The following FAM53C variants were observed in gnomAD, a reference collection of about 807,000 sequenced individuals.
FAM53C encodes the protein family with sequence similarity 53 member C.
FAM53C carries 10 observed loss-of-function variants against 34.7 expected under a neutral mutation model. The ratio of observed to expected loss-of-function variants is 0.29; its 90% confidence interval spans 0.18 to 0.49. FAM53C has a LOEUF of 0.49. Among genes scored for constraint, FAM53C ranks in the 20% least tolerant of loss-of-function variants. The probability of loss-of-function intolerance (pLI) is 0.99; values close to 1 mark genes in which losing one functional copy is unlikely to be tolerated. For missense variants in FAM53C, 442 were observed against 515.3 expected, an observed-to-expected ratio of 0.86 and a Z score of 1.38; for synonymous variants, 203 against 203.6, an observed-to-expected ratio of 1.00 and a Z score of 0.03.
In FAM53C at chr5:138,345,099, C is replaced by A. The variant is rs746720467; in HGVS notation, c.411C>A (p.Ala137=). ...LSRWQPVWRP[A]PSKLWTPIKH... ...GCTGGCAGCCGGTGTGGCGGCCCGC[C>A]CCCTCCAAGCTGTGGACTCCCATAA... Residue 137 remains alanine, a synonymous_variant, in exon 4 of 5, where the codon GCC becomes GCA. Transcript: ENST00000239906. This position sits in a 1 kb window ranked among gnomAD's most constrained non-coding sequence, Gnocchi z 6.3. 1.2e-6 allele frequency: 2 copies of A among 1,613,962 alleles called. No individual in the cohort carries two copies. The highest frequency in any genetic ancestry group is 2.2e-5 in the East Asian group (1 of 44,868).
chr5:138,347,591 C>G lies in FAM53C; in HGVS notation c.*632C>G, dbSNP rs1761217432. The G allele has an allele frequency of 6.5e-6, 1 of 154,148 alleles. No individual in the cohort carries two copies. The highest frequency in any genetic ancestry group is 2.4e-5 in the African/African-American group (1 of 41,372). 9.5% of individuals were successfully genotyped at this position (154,148 alleles called of 1,614,324 possible). On this transcript the variant is annotated 3_prime_UTR_variant, in exon 5 of 5. Transcript: ENST00000239906. Reference sequence around the variant, plus strand: ...GGCTTGTAATCCATAGCATCACCGACTCTGCAAAGGATTTCATTTTGGGGT... The same window carrying G: ...GGCTTGTAATCCATAGCATCACCGAGTCTGCAAAGGATTTCATTTTGGGGT...
upstream of FAM53C, chr5:138,337,684 G>A (rs1561736593): frequency 6.0e-6 from 2 of 332,368 alleles, no homozygotes; most frequent in South Asian, 2.4e-5. Flanking sequence ...GGTTTTTAAG[G>A]TTCAGGCCGA....
chr5:138,338,102 G>T (rs772612748), upstream of FAM53C: 30 of 1,289,728 alleles, frequency 2.3e-5, no homozygotes, highest in African/African-American at 3.0e-5. Context: ...GTTCCCAACA[G>T]CGCTGTCCGA....
intron 2 of FAM53C, 165 bp downstream of exon 2, chr5:138,341,578 A>AT: frequency 1.3e-6 from 1 of 773,206 alleles, no homozygotes; most frequent in African/African-American, 1.7e-5. Flanking sequence ...GGGGGCAGGG[A>AT]TTTTTCCACC....
At chr5:138,337,663 T>A (rs929053698), upstream of FAM53C, 2 of 312,732 alleles carry the variant, frequency 6.4e-6, no homozygotes, top group Non-Finnish European at 6.1e-6. Context: ...CCGCAACCAT[T>A]ATAAGTCCTG....
chr5:138,341,717 C>T, intron 2 of FAM53C, 92 bp from the exon 3 acceptor site: 1 of 1,136,676 alleles, frequency 8.8e-7, no homozygotes, highest in Non-Finnish European at 1.3e-6. Context: ...CCCTGTAGCT[C>T]ATGAATCGCA....
Position 138,346,755 on chromosome 5 carries a change from C to T in FAM53C, c.975C>T (p.Ser325=), listed in dbSNP as rs766941528. ...AAGAAACAGCCCGGGAAGGCAGCAG[C>T]ATCTCTCCACCATGGTTCATGGCCT... ...CLQETAREGS[S]ISPPWFMACS... is the part of the protein sequence containing the mutation. The change falls in exon 5 of 5, where the codon AGC becomes AGT. Residue 325 remains serine (S), a synonymous_variant. Transcript: ENST00000239906. 3 of 1,614,052 alleles carry T rather than the reference C, an allele frequency of 1.9e-6. No individual in the cohort carries two copies. In the South Asian group the frequency reaches 3.3e-5, roughly 18 times the overall value.
In FAM53C at chr5:138,347,456, A is replaced by G. The variant is rs1761213486; in HGVS notation, c.*497A>G. The G allele has an allele frequency of 6.0e-6, 1 of 166,204 alleles. No individual in the cohort carries two copies. The highest frequency in any genetic ancestry group is 2.4e-5 in the African/African-American group (1 of 41,490). The allele number at this position is 166,204 out of a possible 1,614,324, so 10.3% of individuals were successfully genotyped here. ...GAAGGCAATTGCTCCTTAACAGCAG[A>G]GTATCATGATACCCCCAGGATCTTG... On this transcript the variant is annotated 3_prime_UTR_variant, in exon 5 of 5. Transcript: ENST00000239906.
At position 138,345,490 on chromosome 5, in the gene FAM53C, C is replaced by G. The variant is rs1239137502; in HGVS notation, c.802C>G (p.Leu268Val). 5.6e-6 allele frequency: 9 copies of G among 1,614,046 alleles called. No homozygotes were observed. Among genetic ancestry groups the G allele is most frequent in the Non-Finnish European group, 7.6e-6 (9 of 1,180,058 alleles). Residue 268 changes from leucine to valine, a missense_variant, in exon 4 of 5, where the codon CTT becomes GTT. Physicochemically the swap from Leu to Val is conservative, Grantham distance 32. Transcript: ENST00000239906. This position sits in a 1 kb window ranked among gnomAD's most constrained non-coding sequence, Gnocchi z 6.3. Reference sequence around the variant, plus strand: ...CTGGCGACCTCGAGGTCTCCGCAACCTTCCCCGAAGCCGCTCACAGCCTTG... The same window carrying G: ...CTGGCGACCTCGAGGTCTCCGCAACGTTCCCCGAAGCCGCTCACAGCCTTG... ...LPWRPRGLRN[L>V]PRSRSQPCDL... is the part of the protein sequence containing the mutation.
intron 3 of FAM53C, 56 bp from the exon 4 acceptor site, chr5:138,344,769 G>A: frequency 6.9e-7 from 1 of 1,449,196 alleles, no homozygotes; most frequent in Non-Finnish European, 9.2e-7. Flanking sequence ...CAAATGGTAA[G>A]TTCTTAAAAA....
At chr5:138,346,486 G>A (rs1289664616) in intron 4 of FAM53C, among the ~76,000 whole-genome samples, 1 of 152,178 alleles carries the variant, frequency 6.6e-6, no homozygotes, top group Non-Finnish European at 1.5e-5. Context: ...TTAGCCGGGC[G>A]TGGGCCGGGC....
Position 138,346,685 on chromosome 5 carries a change from C to A in FAM53C, c.922-17C>A. The A allele has an allele frequency of 6.2e-7, 1 of 1,613,882 alleles. No individual in the cohort carries two copies. The highest frequency in any genetic ancestry group is 8.5e-7 in the Non-Finnish European group (1 of 1,179,962). On this transcript the variant is annotated splice_polypyrimidine_tract_variant and intron_variant, in intron 4 of 4. Coordinates refer to ENST00000239906, the MANE Select transcript of FAM53C (RefSeq NM_016605.3). Reference sequence around the variant, plus strand: ...TCTTGCCTTCAGGTGTAACTGTCTTCTTTGTTTGTTTGACAGAAACCATAC... The same window carrying A: ...TCTTGCCTTCAGGTGTAACTGTCTTATTTGTTTGTTTGACAGAAACCATAC...
chr5:138,341,479 T>G (rs1185519101), intron 2 of FAM53C, 66 bp downstream of exon 2: 43 of 1,370,830 alleles, frequency 3.1e-5, no homozygotes, highest in Non-Finnish European at 1.0e-6. Context: ...TGATTGTTGC[T>G]ATTACTTTAC....
rs1761140862 is a variant in FAM53C at position 138,345,347 on chromosome 5, A to C, written c.659A>C (p.Glu220Ala). Residue 220 changes from glutamate to alanine, a missense_variant, in exon 4 of 5, where the codon GAG (glutamate) becomes GCG (alanine). Physicochemically the swap from Glu to Ala is moderately radical, Grantham distance 107. Coordinates refer to ENST00000239906, the MANE Select transcript of FAM53C (RefSeq NM_016605.3). This position sits in a 1 kb window ranked among gnomAD's most constrained non-coding sequence, Gnocchi z 6.3. The stretch of plus-strand genomic sequence containing the variant: ...AGTGGCTCCTGGGAGAGTGATGCTG[A>C]GTCCTTGTCACCTTGCCCACCTCAG... ...PQSGSWESDAESLSPCPPQRR... is the reference protein window; with the variant it reads ...PQSGSWESDAASLSPCPPQRR... 6.2e-7 allele frequency: 1 copy of C among 1,614,028 alleles called. No individual in the cohort carries two copies. Among genetic ancestry groups the C allele is most frequent in the African/African-American group, 1.3e-5 (1 of 74,914 alleles).
At position 138,349,601 on chromosome 5, in the gene FAM53C, T is replaced by A. The variant is rs1041404899; in HGVS notation, c.*2642T>A. 2.0e-5 allele frequency: 3 copies of A among 152,720 alleles called. No individual in the cohort carries two copies. Among genetic ancestry groups the A allele is most frequent in the Non-Finnish European group, 4.4e-5 (3 of 68,022 alleles). The allele number at this position is 152,720 out of a possible 1,614,324, so 9.5% of individuals were successfully genotyped here. ...TACAAATACAAAAAGTGGAAAAAAA[T>A]TTTCGTAAACTTTGTTTTATATTAA... On this transcript the variant is annotated 3_prime_UTR_variant, in exon 5 of 5. Coordinates refer to ENST00000239906, the MANE Select transcript of FAM53C (RefSeq NM_016605.3).
At position 138,347,196 on chromosome 5, in the gene FAM53C, G is replaced by A; in HGVS notation, c.*237G>A. ...AGCCCCAGAGCAGACCCTTCCTATG[G>A]CGGCCCTGAGTGTGAGTATCCCTGC... On this transcript the variant is annotated 3_prime_UTR_variant, in exon 5 of 5. Coordinates refer to ENST00000239906, the MANE Select transcript of FAM53C (RefSeq NM_016605.3). The A allele has an allele frequency of 1.8e-6, 1 of 570,350 alleles. No homozygotes were observed. Among genetic ancestry groups the A allele is most frequent in the Non-Finnish European group, 3.1e-6 (1 of 327,528 alleles). 35.3% of individuals were successfully genotyped at this position (570,350 alleles called of 1,614,324 possible). A position where few individuals can be genotyped will look rare whatever the true frequency, so the allele number is the denominator to read the frequency against.
At chr5:138,342,240 C>G (rs1242374000) in intron 3 of FAM53C, 1 of 196,996 alleles carries the variant, frequency 5.1e-6, no homozygotes, top group Non-Finnish European at 1.0e-5. Context: ...GTATATGTGA[C>G]TAGAATTTCT....
intron 3 of FAM53C, among the ~76,000 whole-genome samples, chr5:138,344,019 C>T (rs1482949504): frequency 6.6e-6 from 1 of 152,178 alleles, no homozygotes; most frequent in Non-Finnish European, 1.5e-5. Context: ...GGATTAGGCC[C>T]TTTGTCCCTT....
intron 4 of FAM53C, 117 bp from the exon 5 acceptor site, chr5:138,346,585 C>T: frequency 2.3e-6 from 3 of 1,323,342 alleles, no homozygotes; most frequent in Non-Finnish European, 3.1e-6. Context: ...GATCACGCCA[C>T]TGCACTCCAG....
Sources: gnomAD v4.1 joint callset for allele counts (sites outside exome capture counted in the v4.1 genomes callset) on GRCh38, gnomAD v4.1.1 for gene constraint, Gnocchi (gnomAD v3.1) non-coding constraint, MANE v1.5 for transcripts, NCBI Gene and HGNC (gene_info 2026-07-23, HGNC 2026-07-21) for gene names.